The following NR3C2 variants were observed in gnomAD, a reference collection of about 807,000 sequenced individuals.
The protein encoded by NR3C2 is nuclear receptor subfamily 3 group C member 2.
NR3C2 carries 15 observed loss-of-function variants against 86.4 expected under a neutral mutation model. The observed-to-expected ratio is 0.17, with a 90% CI of 0.12 to 0.27. The LOEUF is 0.27. Ranked by LOEUF, NR3C2 falls within the 10% of genes least tolerant of loss-of-function variation. The probability of loss-of-function intolerance (pLI) is 1.00; values close to 1 mark genes in which losing one functional copy is unlikely to be tolerated. For missense variants in NR3C2, 960 were observed against 1,195.6 expected, an observed-to-expected ratio of 0.80 and a Z score of 2.91; for synonymous variants, 458 against 450.5, an observed-to-expected ratio of 1.02 and a Z score of -0.21.
intron 3 of NR3C2, among the ~76,000 whole-genome samples, chr4:148,250,851 T>C (rs534347174): frequency 1.3e-5 from 2 of 152,294 alleles, no homozygotes; most frequent in East Asian, 3.9e-4. Flanking sequence ...TCAGAACTGA[T>C]CCACCATCCA....
intron 4 of NR3C2, among the ~76,000 whole-genome samples, chr4:148,175,843 A>T (rs1171575178): frequency 3.3e-5 from 5 of 152,194 alleles, no homozygotes; most frequent in South Asian, 2.1e-4. Flanking sequence ...GAAAGAATTT[A>T]AAAAAATTTT....
chr4:148,351,061 CAATTTTT>C (rs1745248476), intron 2 of NR3C2, among the ~76,000 whole-genome samples: 2 of 149,442 alleles, frequency 1.3e-5, no homozygotes, highest in Admixed American at 6.7e-5. Context: ...GTCTGTGTTT[CAATTTTT>C]AACACTTAAA....
At chr4:148,136,000 T>C (rs1733294681) in intron 6 of NR3C2, among the ~76,000 whole-genome samples, 2 of 106,960 alleles carry the variant, frequency 1.9e-5, no homozygotes, top group Non-Finnish European at 3.7e-5. Flanking sequence ...GAGCTTGCAG[T>C]GAGCCGAGAT....
chr4:148,250,075 C>CT (rs1739503300), intron 3 of NR3C2, among the ~76,000 whole-genome samples: 1 of 152,126 alleles, frequency 6.6e-6, no homozygotes, highest in South Asian at 2.1e-4. Context: ...TGCCGAGTGT[C>CT]TAAGTGGGGC....
In NR3C2 at chr4:148,212,893, A is replaced by G. The variant is rs1332611951; in HGVS notation, c.1898-18031T>C. On this transcript the variant is annotated intron_variant, in intron 3 of 8. Transcript: ENST00000358102. ...TTGTGCAGATGAAGGTTCGTAATAA[A>G]AATATTTGCTTGCAAGAAGTTCACA... 6.6e-5 allele frequency among the ~76,000 whole-genome samples: 10 copies of G among 152,216 alleles called. No individual in the cohort carries two copies. In the South Asian group the frequency reaches 2.1e-3, roughly 32 times the overall value.
intron 4 of NR3C2, among the ~76,000 whole-genome samples, chr4:148,157,891 A>G (rs1420991918): frequency 6.6e-6 from 1 of 152,230 alleles, no homozygotes; most frequent in African/African-American, 2.4e-5. Context: ...AGAAAATCTT[A>G]CAATTCAGAT....
chr4:148,366,432 A>ATCCTTTTTAAAAG, intron 2 of NR3C2, among the ~76,000 whole-genome samples: 1 of 152,274 alleles, frequency 6.6e-6, no homozygotes, highest in African/African-American at 2.4e-5. Context: ...TTGAAAAAGA[A>ATCCTTTTTAAAAG]TACTTTTTTA....
rs1355779320 is a variant in NR3C2, at chr4:148,319,148, G to T, written c.1758-59031C>A. On this transcript the variant is annotated intron_variant, in intron 2 of 8. Coordinates refer to ENST00000358102, the MANE Select transcript of NR3C2 (RefSeq NM_000901.5). ...TTAAATAGGGAGTCCTTTCCCCATT[G>T]CTCGTTTTTCTCAGGTTTGTCAAAG... Among the ~76,000 whole-genome samples the T allele has an allele frequency of 1.1e-4, 16 of 151,120 alleles. No homozygotes were observed. In the East Asian group the frequency reaches 2.9e-3, roughly 27 times the overall value.
chr4:148,442,579 T>C, upstream of NR3C2: 1 of 924,502 alleles, frequency 1.1e-6, no homozygotes, highest in Non-Finnish European at 1.3e-6. Flanking sequence ...CCTGAACCCT[T>C]CCTATTGGCC....
intron 3 of NR3C2, among the ~76,000 whole-genome samples, chr4:148,241,135 G>A (rs555747295): frequency 2.6e-5 from 4 of 151,348 alleles, no homozygotes; most frequent in South Asian, 2.1e-4. Flanking sequence ...GTGAAACCCC[G>A]TCTCTACTAA....
At chr4:148,317,517 CTT>C (rs1327316916) in intron 2 of NR3C2, among the ~76,000 whole-genome samples, 1 of 151,846 alleles carries the variant, frequency 6.6e-6, no homozygotes, top group Non-Finnish European at 1.5e-5. Flanking sequence ...TTTTGAACAA[CTT>C]ATAAAAAGGT....
chr4:148,136,396 G>C lies in NR3C2; in HGVS notation c.2510+16073C>G, dbSNP rs565792394. Among the ~76,000 whole-genome samples the C allele has an allele frequency of 3.9e-5, 6 of 152,024 alleles. No individual in the cohort carries two copies. The South Asian group carries it at 6.2e-4, about 16-fold the overall frequency. On this transcript the variant is annotated intron_variant, in intron 6 of 8. Transcript: ENST00000358102. ...GAAATGGTGAGGGAACAAAAGGAGA[G>C]GGGGAGAGACACAGCCCCCTCCCTC...
At chr4:148,283,369 A>T (rs1339724430) in intron 2 of NR3C2, among the ~76,000 whole-genome samples, 4 of 152,178 alleles carry the variant, frequency 2.6e-5, no homozygotes, top group Non-Finnish European at 4.4e-5. Flanking sequence ...ACCCAGTTAC[A>T]ACCCTCAGAA....
chr4:148,088,830 T>C (rs1730937145), intron 8 of NR3C2, among the ~76,000 whole-genome samples: 1 of 152,152 alleles, frequency 6.6e-6, no homozygotes, highest in Non-Finnish European at 1.5e-5. Flanking sequence ...ATAACAATTA[T>C]AAATGCAGCA....
chr4:148,404,405 A>G (rs1748312093), intron 2 of NR3C2, among the ~76,000 whole-genome samples: 1 of 152,164 alleles, frequency 6.6e-6, no homozygotes, highest in Non-Finnish European at 1.5e-5. Flanking sequence ...ACTAATAGTC[A>G]AAATTTTGTT....
intron 4 of NR3C2, among the ~76,000 whole-genome samples, chr4:148,160,916 T>C (rs1276006030): frequency 2.0e-5 from 3 of 152,190 alleles, no homozygotes; most frequent in African/African-American, 7.2e-5. Context: ...TCTCTTTGCC[T>C]TTTGACTGCC....
intron 2 of NR3C2, among the ~76,000 whole-genome samples, chr4:148,400,915 T>C (rs752811682): frequency 6.6e-6 from 1 of 152,188 alleles, no homozygotes; most frequent in Non-Finnish European, 1.5e-5. Context: ...CATAACATCA[T>C]GTTGCATACC....
chr4:148,120,366 A>G, intron 6 of NR3C2, 78 bp from the exon 7 acceptor site: 4 of 1,567,880 alleles, frequency 2.6e-6, no homozygotes, highest in African/African-American at 1.3e-5. Context: ...AGGCAGCTTA[A>G]TAAGAGATCT....
At chr4:148,435,025 T>C in intron 2 of NR3C2, 79 bp downstream of exon 2, 2 of 1,351,966 alleles carry the variant, frequency 1.5e-6, no homozygotes, top group Non-Finnish European at 2.1e-6. Context: ...GTGTTTAAAT[T>C]TATCAACTGT....
Sources: allele counts gnomAD v4.1 joint callset (sites outside exome capture counted in the v4.1 genomes callset), GRCh38; gene constraint gnomAD v4.1.1; transcripts MANE v1.5; gene names NCBI Gene and HGNC (gene_info 2026-07-23, HGNC 2026-07-21).